RALYL: variants seen among roughly 807,000 people sequenced by gnomAD.
RALYL encodes RALY RNA binding protein like.
RALYL carries 29 observed loss-of-function variants against 35.1 expected under a neutral mutation model. The observed-to-expected ratio is 0.83, with a 90% CI of 0.61 to 1.13. The LOEUF is 1.13. RALYL is among the 50% of genes most tolerant of loss of function. RALYL has a pLI of 0.00. For missense variants in RALYL, 359 were observed against 360.4 expected, an observed-to-expected ratio of 1.00 and a Z score of 0.03; for synonymous variants, 120 against 127.6, an observed-to-expected ratio of 0.94 and a Z score of 0.40.
chr8:84,811,648 C>T (rs991709107), intron 4 of RALYL, among the ~76,000 whole-genome samples: 1 of 152,072 alleles, frequency 6.6e-6, no homozygotes, highest in African/African-American at 2.4e-5. Flanking sequence ...TCAGGAATAC[C>T]GATTATTCTT....
intron 2 of RALYL, among the ~76,000 whole-genome samples, chr8:84,737,448 T>C (rs1847520645): frequency 6.6e-6 from 1 of 152,044 alleles, no homozygotes; most frequent in South Asian, 2.1e-4. Context: ...TAATAATCTA[T>C]ATCTTGCAGG....
Position 84,814,206 on chromosome 8 carries a change from T to C in RALYL, c.365+9404T>C, listed in dbSNP as rs538480838. On this transcript the variant is annotated intron_variant, in intron 4 of 8. Coordinates refer to ENST00000521268, the MANE Select transcript of RALYL (RefSeq NM_173848.7). ...TAGCTATCATTACAATTCTGGAAGG[T>C]ATATTTATGTATCATGTTCTAAAGA... Among the ~76,000 whole-genome samples, 9 of 152,270 alleles carry C rather than the reference T, an allele frequency of 5.9e-5. No homozygotes were observed. In the South Asian group the frequency reaches 1.9e-3, roughly 32 times the overall value.
chr8:84,807,187 C>T (rs1365523660), intron 4 of RALYL, among the ~76,000 whole-genome samples: 1 of 152,132 alleles, frequency 6.6e-6, no homozygotes. Context: ...CAACCAAGTC[C>T]CCAAAGTCCA....
chr8:84,655,989 C>T (rs1829887017), intron 2 of RALYL, among the ~76,000 whole-genome samples: 1 of 152,118 alleles, frequency 6.6e-6, no homozygotes, highest in Admixed American at 6.6e-5. Context: ...TGGCATATAT[C>T]TCACCACAGC....
rs1304308061 is a variant in RALYL at position 84,534,061 on chromosome 8, G to T, written c.256+4484G>T. ...GATTTCTCATTGTTCTCAGAAAAAA[G>T]AATGAAACCTTTGCTGTGGGCTACA... On this transcript the variant is annotated intron_variant, in intron 2 of 8. Transcript: ENST00000521268. 2.6e-5 allele frequency among the ~76,000 whole-genome samples: 4 copies of T among 152,202 alleles called. No individual in the cohort carries two copies. The East Asian group carries it at 7.7e-4, about 29-fold the overall frequency.
intron 1 of RALYL, among the ~76,000 whole-genome samples, chr8:84,407,022 A>C (rs2403006): frequency 0.66 from 93,089 of 141,560 alleles, 30,083 homozygotes; most frequent in East Asian, 0.86. Flanking sequence ...CTCTCTCTAT[A>C]TATATATATA....
At chr8:84,771,015 G>A (rs1244021158) in intron 2 of RALYL, among the ~76,000 whole-genome samples, 1 of 151,948 alleles carries the variant, frequency 6.6e-6, no homozygotes, top group Admixed American at 6.6e-5. Context: ...TTACTCTGCT[G>A]TTTCTTTTGC....
chr8:84,574,368 A>C (rs921859663), intron 2 of RALYL, among the ~76,000 whole-genome samples: 1 of 151,970 alleles, frequency 6.6e-6, no homozygotes, highest in Non-Finnish European at 1.5e-5. Flanking sequence ...TTTTCCATAT[A>C]TATTCATGGC....
chr8:84,270,446 G>C (rs1834076013), intron 1 of RALYL, among the ~76,000 whole-genome samples: 1 of 152,112 alleles, frequency 6.6e-6, no homozygotes, highest in Admixed American at 6.6e-5. Context: ...TCAGGAAAAA[G>C]GGGGAGAATA....
chr8:84,735,809 C>CGTGAGAGA (rs766504736), intron 2 of RALYL, among the ~76,000 whole-genome samples: 1,614 of 119,070 alleles, frequency 0.014, 21 homozygotes, highest in African/African-American at 0.033. Flanking sequence ...TCATCCAAAC[C>CGTGAGAGA]GCGAGAGAGA....
intron 1 of RALYL, among the ~76,000 whole-genome samples, chr8:84,527,461 T>C (rs975857943): frequency 1.7e-4 from 26 of 152,298 alleles, no homozygotes; most frequent in Admixed American, 1.6e-3. Context: ...GGAAATAAAA[T>C]GTCAACTATA....
intron 1 of RALYL, among the ~76,000 whole-genome samples, chr8:84,411,222 C>T (rs1189371513): frequency 6.6e-6 from 1 of 151,882 alleles, no homozygotes; most frequent in Non-Finnish European, 1.5e-5. Flanking sequence ...GCTTTCTCCA[C>T]TTTCATGCCT....
chr8:84,362,969 G>A (rs1853404680), intron 1 of RALYL, among the ~76,000 whole-genome samples: 1 of 151,794 alleles, frequency 6.6e-6, no homozygotes, highest in African/African-American at 2.4e-5. Context: ...CTGAAAGGGG[G>A]AGATTGAAGG....
At position 84,271,889 on chromosome 8, in the gene RALYL, AATTGC is replaced by A. The variant is rs200062139; in HGVS notation, c.-24+87470_-24+87474del. Among the ~76,000 whole-genome samples, 296 of 152,226 alleles carry A rather than the reference AATTGC, an allele frequency of 1.9e-3. 1 individual carries two copies. The highest frequency in any genetic ancestry group is 6.5e-3 in the African/African-American group (268 of 41,526). Reference sequence around the variant, plus strand: ...TTGGGGAGTTATGAAATAATTTTAAAATTGCATTGTGATAATTATTGCACAACTAT... The same window carrying A: ...TTGGGGAGTTATGAAATAATTTTAAAATTGTGATAATTATTGCACAACTAT... On this transcript the variant is annotated intron_variant, in intron 1 of 8. Transcript: ENST00000521268.
chr8:84,204,915 T>C (rs1586158615), intron 1 of RALYL, among the ~76,000 whole-genome samples: 1 of 151,900 alleles, frequency 6.6e-6, no homozygotes, highest in Non-Finnish European at 1.5e-5. Flanking sequence ...CCTCAGAGCT[T>C]TATTGTTTTT....
chr8:84,687,732 T>A (rs921772392), intron 2 of RALYL, among the ~76,000 whole-genome samples: 1 of 152,106 alleles, frequency 6.6e-6, no homozygotes, highest in Non-Finnish European at 1.5e-5. Context: ...AGAAACTTCT[T>A]TTATTTTCTG....
intron 1 of RALYL, among the ~76,000 whole-genome samples, chr8:84,279,782 T>C (rs1836186520): frequency 6.6e-6 from 1 of 152,178 alleles, no homozygotes; most frequent in African/African-American, 2.4e-5. Flanking sequence ...GATTTTTACC[T>C]TCTTGCCTCC....
intron 8 of RALYL, among the ~76,000 whole-genome samples, chr8:84,913,844 G>T (rs185821058): frequency 1.1e-4 from 17 of 151,664 alleles, no homozygotes; most frequent in African/African-American, 3.9e-4. Flanking sequence ...AAAAAGGAGG[G>T]TTATGTATAG....
At chr8:84,505,308 T>C (rs996576285) in intron 1 of RALYL, among the ~76,000 whole-genome samples, 1 of 152,184 alleles carries the variant, frequency 6.6e-6, no homozygotes, top group Non-Finnish European at 1.5e-5. Flanking sequence ...TTCTTATACA[T>C]GCTCCTTTAT....
Sources: gnomAD v4.1 joint callset for allele counts (sites outside exome capture counted in the v4.1 genomes callset) on GRCh38, gnomAD v4.1.1 for gene constraint, MANE v1.5 for transcripts, NCBI Gene and HGNC (gene_info 2026-07-23, HGNC 2026-07-21) for gene names.